Variants in PRPF6 observed in about 807,000 individuals in gnomAD.
PRPF6 encodes the protein pre-mRNA-processing factor 6.
In PRPF6, 42 loss-of-function variants were observed where a neutral mutation model predicts 118.3. The ratio of observed to expected loss-of-function variants is 0.35; its 90% CI spans 0.28 to 0.46. The LOEUF (loss-of-function observed/expected upper bound fraction) is 0.46, where lower values mean the gene tolerates loss of function less well. Ranked by LOEUF, PRPF6 falls within the 20% of genes least tolerant of loss-of-function variation. The pLI, the probability that PRPF6 is intolerant of heterozygous loss-of-function variation, is 1.00. For synonymous variants in PRPF6, 481 were observed against 485.1 expected (o/e 0.99, Z 0.11); for missense variants, 662 against 1,255.7 (o/e 0.53, Z 7.15).
intron 12 of PRPF6, among the ~76,000 whole-genome samples, chr20:64,019,092 GTT>G (rs766307130): frequency 1.1e-4 from 13 of 119,078 alleles, no homozygotes; most frequent in Non-Finnish European, 1.5e-4. Context: ...TTTGTTGTTG[GTT>G]TTTTTTTTTT....
chr20:64,024,496 G>A, intron 13 of PRPF6, 59 bp from the exon 14 acceptor site: 1 of 1,606,228 alleles, frequency 6.2e-7, no homozygotes, highest in Non-Finnish European at 8.5e-7. Flanking sequence ...ATGGCTGAGT[G>A]TGATGTGTGT....
rs2059215527 is a variant in PRPF6 at position 64,011,207 on chromosome 20, A to G, written c.1306-78A>G. 1 of 1,354,430 alleles carries G rather than the reference A, an allele frequency of 7.4e-7. No homozygotes were observed. Among genetic ancestry groups the G allele is most frequent in the Non-Finnish European group, 1.0e-6 (1 of 955,960 alleles). The allele number at this position is 1,354,430 out of a possible 1,614,324, so 83.9% of individuals were successfully genotyped here. ...GAAAGAACGTGGTGGCCAACGCTGG[A>G]GGGTGGGTCGCTGTCTGGCCTGCAG... On this transcript the variant is annotated intron_variant, in intron 10 of 20. Transcript: ENST00000266079. The surrounding 1 kb of genome is among the most constrained non-coding windows in gnomAD (Gnocchi z 6.7).
intron 5 of PRPF6, 59 bp downstream of exon 5, chr20:63,995,151 A>T: frequency 6.2e-7 from 1 of 1,610,448 alleles, no homozygotes; most frequent in Non-Finnish European, 8.5e-7. Flanking sequence ...CAGTGGCAGG[A>T]ATGGTGGGTG....
intron 12 of PRPF6, among the ~76,000 whole-genome samples, chr20:64,020,578 C>T (rs2059258142): frequency 6.6e-6 from 1 of 152,152 alleles, no homozygotes; most frequent in South Asian, 2.1e-4. Flanking sequence ...CAAATGGTGA[C>T]TGGCTTTTTT....
At chr20:64,010,380 A>G in intron 10 of PRPF6, 62 bp downstream of exon 10, 3 of 1,275,496 alleles carry the variant, frequency 2.4e-6, no homozygotes, top group Non-Finnish European at 3.4e-6. Flanking sequence ...GCCCAGGTTC[A>G]GTGTCTGGAA....
chr20:64,024,734 C>T (rs777976849), intron 14 of PRPF6, 41 bp downstream of exon 14: 28 of 1,601,862 alleles, frequency 1.7e-5, no homozygotes, highest in Middle Eastern at 4.3e-4. Context: ...CCTGTGCACA[C>T]AGGAGCTGAC....
chr20:64,005,916 A>T (rs2059187908), intron 9 of PRPF6, among the ~76,000 whole-genome samples: 1 of 151,914 alleles, frequency 6.6e-6, no homozygotes, highest in Non-Finnish European at 1.5e-5. Flanking sequence ...TTAATTTTTC[A>T]AAGAGACGAG....
At chr20:63,988,225 C>G (rs936265729) in intron 3 of PRPF6, among the ~76,000 whole-genome samples, 2 of 151,252 alleles carry the variant, frequency 1.3e-5, no homozygotes, top group African/African-American at 4.9e-5. Context: ...GAGGCTGAGG[C>G]AAGAGAATTG....
At chr20:63,982,926 G>T (rs2059077677) in intron 1 of PRPF6, 121 bp from the exon 2 acceptor site, 29 of 1,192,270 alleles carry the variant, frequency 2.4e-5, no homozygotes, top group Non-Finnish European at 3.4e-5. Flanking sequence ...TTGTCACCAG[G>T]ATCTTTGGAG....
chr20:63,985,024 C>T lies in PRPF6; in HGVS notation c.358C>T (p.Arg120Trp), dbSNP rs1428313480. The T allele has an allele frequency of 6.2e-7, 1 of 1,610,100 alleles. No homozygotes were observed. Among genetic ancestry groups the T allele is most frequent in the Non-Finnish European group, 8.5e-7 (1 of 1,177,240 alleles). Reference sequence around the variant, plus strand: ...GATGGATGAAAGAAGAAAAGAAAGACGGTAAAAGAAATTGTTGCCTTTCAC... The same window carrying T: ...GATGGATGAAAGAAGAAAAGAAAGATGGTAAAAGAAATTGTTGCCTTTCAC... ...KRMDERRKERREQREKEEIEK... is the reference protein window; with the variant it reads ...KRMDERRKERWEQREKEEIEK... The change falls in exon 3 of 21, where the codon CGG (arginine) becomes TGG (tryptophan). Residue 120 changes from arginine to tryptophan, a missense_variant and splice_region_variant. By Grantham distance (101) the Arg-to-Trp change is moderately radical (BLOSUM62 -3). Transcript: ENST00000266079.
chr20:64,025,895 C>T (rs2059287497), intron 14 of PRPF6, 44 bp from the exon 15 acceptor site: 2 of 1,613,170 alleles, frequency 1.2e-6, no homozygotes, highest in East Asian at 2.2e-5. Context: ...GGCGCTGGTC[C>T]CTGTGTTCTG....
In PRPF6 at chr20:63,995,372, C is replaced by G. The variant is rs1223260218; in HGVS notation, c.661C>G (p.Pro221Ala). Residue 221 changes from proline (P) to alanine (A), a missense_variant, in exon 6 of 21, where the codon CCA becomes GCA. Physicochemically the swap from Pro to Ala is conservative, Grantham distance 27. Coordinates refer to ENST00000266079, the MANE Select transcript of PRPF6 (RefSeq NM_012469.4). ...NTPYPGGLNT[P>A]YPGGMTPGLM... ...ACCCTATCCAGGTGGACTAAACACT[C>G]CATACCCAGGTGGAATGACGCCAGG... is the stretch of plus-strand genomic sequence containing the variant. The G allele has an allele frequency of 6.2e-7, 1 of 1,614,048 alleles. No homozygotes were observed. Among genetic ancestry groups the G allele is most frequent in the Non-Finnish European group, 8.5e-7 (1 of 1,179,966 alleles).
rs748000228 is a variant in PRPF6, at chr20:63,981,293, C to T, written c.48C>T (p.Gly16=). The T allele has an allele frequency of 3.1e-6, 5 of 1,606,766 alleles. No individual in the cohort carries two copies. In the Admixed American group the frequency reaches 5.1e-5, roughly 16 times the overall value. The change falls in exon 1 of 21, where the codon GGC becomes GGT. Residue 16 remains glycine, a synonymous_variant. Coordinates refer to ENST00000266079, the MANE Select transcript of PRPF6 (RefSeq NM_012469.4). ...TCCTAGGGATGCCCGCGCCCCTCGGCTACGTGCCGGGGCTGGGCCGGGGGT... is the reference window on the plus strand; with the variant it reads ...TCCTAGGGATGCCCGCGCCCCTCGGTTACGTGCCGGGGCTGGGCCGGGGGT... ...KPFLGMPAPL[G]YVPGLGRGAT... is the part of the protein sequence containing the mutation.
intron 9 of PRPF6, among the ~76,000 whole-genome samples, chr20:64,002,114 G>A (rs559481684): frequency 7.1e-6 from 1 of 141,778 alleles, no homozygotes; most frequent in East Asian, 2.3e-4. Context: ...CGCCTCCCGG[G>A]TTCACACCAT....
At chr20:63,992,509 G>A (rs1343597067) in intron 3 of PRPF6, among the ~76,000 whole-genome samples, 1 of 151,784 alleles carries the variant, frequency 6.6e-6, no homozygotes, top group African/African-American at 2.4e-5. Flanking sequence ...TGCCCACCTC[G>A]GCCTCCCAAA....
At chr20:63,996,925 T>C (rs1402058850) in intron 6 of PRPF6, among the ~76,000 whole-genome samples, 2 of 152,158 alleles carry the variant, frequency 1.3e-5, no homozygotes, top group African/African-American at 4.8e-5. Flanking sequence ...TGAGACTGTC[T>C]CAATAAATAA....
chr20:63,984,290 A>G (rs968507281), intron 2 of PRPF6, among the ~76,000 whole-genome samples: 1 of 152,040 alleles, frequency 6.6e-6, no homozygotes, highest in Non-Finnish European at 1.5e-5. Flanking sequence ...GCATGGTGGC[A>G]TGTGCCTGTA....
At chr20:64,013,068 A>G (rs1004770126) in intron 11 of PRPF6, among the ~76,000 whole-genome samples, 13 of 151,044 alleles carry the variant, frequency 8.6e-5, no homozygotes, top group African/African-American at 2.7e-4. Flanking sequence ...GGGTTCAAGC[A>G]GTTCTCCTAC....
chr20:64,028,447 C>T lies in PRPF6; in HGVS notation c.2340-31C>T, dbSNP rs1208067493. On this transcript the variant is annotated intron_variant, in intron 17 of 20. Transcript: ENST00000266079. This position sits in a 1 kb window ranked among gnomAD's most constrained non-coding sequence, Gnocchi z 6.5. ...CAGAATATGTGCTGTTGGTAGACGGCTGTGGGACCTCCGGGGGCCTGTCTC... is the reference window on the plus strand; with the variant it reads ...CAGAATATGTGCTGTTGGTAGACGGTTGTGGGACCTCCGGGGGCCTGTCTC... 3 of 1,611,190 alleles carry T rather than the reference C, an allele frequency of 1.9e-6. No individual in the cohort carries two copies. Among genetic ancestry groups the T allele is most frequent in the Non-Finnish European group, 2.5e-6 (3 of 1,177,720 alleles).
Sources: gnomAD v4.1 joint callset for allele counts (sites outside exome capture counted in the v4.1 genomes callset) on GRCh38, gnomAD v4.1.1 for gene constraint, Gnocchi (gnomAD v3.1) non-coding constraint, MANE v1.5 for transcripts, NCBI Gene and HGNC (gene_info 2026-07-23, HGNC 2026-07-21) for gene names.